Variants in ALG6 observed in about 807,000 individuals in gnomAD.
The protein encoded by ALG6 is ALG6 alpha-1,3-glucosyltransferase, also known as dolichyl pyrophosphate Man9GlcNAc2 alpha-1,3-glucosyltransferase.
ALG6 carries 46 observed loss-of-function variants against 66.6 expected under a neutral mutation model. That is an observed-to-expected ratio of 0.69 (90% CI 0.55 to 0.88). The LOEUF (loss-of-function observed/expected upper bound fraction) is 0.88, where lower values mean the gene tolerates loss of function less well. ALG6 is among the 40% of genes least tolerant of loss of function. The pLI, the probability that ALG6 is intolerant of heterozygous loss-of-function variation, is 0.00. For missense variants in ALG6, 505 were observed against 586.8 expected (o/e 0.86, Z 1.44); for synonymous variants, 185 against 203.7 (o/e 0.91, Z 0.78).
chr1:63,384,354 C>G (rs905230169), intron 2 of ALG6, among the ~76,000 whole-genome samples: 2 of 151,708 alleles, frequency 1.3e-5, no homozygotes, highest in African/African-American at 2.4e-5. Flanking sequence ...ATTTTTTTTC[C>G]TATTGAGTTG....
intron 11 of ALG6, among the ~76,000 whole-genome samples, chr1:63,418,592 G>A (rs886705109): frequency 1.3e-5 from 2 of 152,092 alleles, no homozygotes; most frequent in African/African-American, 4.8e-5. Context: ...AGCTATTGGA[G>A]GATTTTAAAC....
chr1:63,435,856 G>T (rs983619468), intron 14 of ALG6, among the ~76,000 whole-genome samples: 2 of 152,126 alleles, frequency 1.3e-5, no homozygotes, highest in Non-Finnish European at 2.9e-5. Flanking sequence ...CATTACTGCA[G>T]GAAGTTCTAT....
chr1:63,377,173 G>C (rs1648161560), intron 2 of ALG6, among the ~76,000 whole-genome samples: 1 of 152,042 alleles, frequency 6.6e-6, no homozygotes. Context: ...TGTTGGCCAG[G>C]CTGGTCTTGA....
chr1:63,369,220 G>A (rs968558739), intron 1 of ALG6, among the ~76,000 whole-genome samples: 7 of 152,208 alleles, frequency 4.6e-5, no homozygotes, highest in Non-Finnish European at 1.0e-4. Flanking sequence ...AGCTTTAGTA[G>A]GATAGTCAGG....
chr1:63,385,187 T>C (rs1187077450), intron 2 of ALG6, among the ~76,000 whole-genome samples: 3 of 15,014 alleles, frequency 2.0e-4, no homozygotes, highest in Non-Finnish European at 2.1e-4. Flanking sequence ...ACTTCTTCTT[T>C]TTTTTTTTTT....
At chr1:63,402,586 C>A (rs184774415) in intron 4 of ALG6, among the ~76,000 whole-genome samples, 337 of 150,318 alleles carry the variant, frequency 2.2e-3, no homozygotes, top group African/African-American at 7.9e-3. Flanking sequence ...CTTGCCTCAG[C>A]CTCCTGAGTA....
At chr1:63,376,455 A>G (rs546972633) in intron 2 of ALG6, among the ~76,000 whole-genome samples, 3 of 152,256 alleles carry the variant, frequency 2.0e-5, no homozygotes, top group South Asian at 4.1e-4. Context: ...TAAATTTACT[A>G]AATTGGATGC....
chr1:63,429,300 C>T (rs1644633411), intron 14 of ALG6, among the ~76,000 whole-genome samples, 174 bp downstream of exon 14: 1 of 152,120 alleles, frequency 6.6e-6, no homozygotes, highest in Admixed American at 6.5e-5. Context: ...ACAACTATCA[C>T]CATCATCTAA....
chr1:63,431,205 T>C (rs1056023818), intron 14 of ALG6, among the ~76,000 whole-genome samples: 2 of 152,238 alleles, frequency 1.3e-5, no homozygotes, highest in Non-Finnish European at 2.9e-5. Flanking sequence ...TCTATCCTTA[T>C]GCCACTGCCA....
At chr1:63,387,289 A>G (rs1015149774) in intron 2 of ALG6, among the ~76,000 whole-genome samples, 1 of 152,150 alleles carries the variant, frequency 6.6e-6, no homozygotes, top group Admixed American at 6.6e-5. Context: ...TGATAGGTCC[A>G]CTTAGTTTAC....
chr1:63,410,031 C>T (rs116381583), intron 7 of ALG6, among the ~76,000 whole-genome samples: 3,618 of 152,198 alleles, frequency 0.024, 72 homozygotes, highest in Non-Finnish European at 0.037. Flanking sequence ...TTTTCTTCTG[C>T]ACATACTACT....
intron 2 of ALG6, among the ~76,000 whole-genome samples, chr1:63,387,559 T>TTTTTTTG: frequency 7.4e-6 from 1 of 135,856 alleles, no homozygotes; most frequent in East Asian, 2.1e-4. Flanking sequence ...TTTTTTTTTT[T>TTTTTTTG]GAGACAGAGT....
intron 2 of ALG6, among the ~76,000 whole-genome samples, chr1:63,377,328 C>T (rs982706480): frequency 1.3e-5 from 2 of 152,098 alleles, no homozygotes; most frequent in Non-Finnish European, 2.9e-5. Flanking sequence ...AAGTTTGTTT[C>T]CTCTAAAATT....
chr1:63,389,391 G>A (rs1241563958), intron 2 of ALG6, among the ~76,000 whole-genome samples: 1 of 152,144 alleles, frequency 6.6e-6, no homozygotes, highest in Non-Finnish European at 1.5e-5. Flanking sequence ...TCCACAGTAT[G>A]TCAATTGAAT....
At chr1:63,436,309 A>G (rs1159345565) in intron 14 of ALG6, among the ~76,000 whole-genome samples, 1 of 152,112 alleles carries the variant, frequency 6.6e-6, no homozygotes, top group Non-Finnish European at 1.5e-5. Flanking sequence ...AGGAACATTC[A>G]ACTTATTATT....
At chr1:63,380,875 A>G (rs911817930) in intron 2 of ALG6, among the ~76,000 whole-genome samples, 2 of 152,356 alleles carry the variant, frequency 1.3e-5, no homozygotes, top group Non-Finnish European at 2.9e-5. Context: ...AATTGTCCCT[A>G]GGAAAATCAA....
intron 2 of ALG6, among the ~76,000 whole-genome samples, chr1:63,381,512 C>T (rs1276462550): frequency 6.6e-6 from 1 of 151,898 alleles, no homozygotes; most frequent in Admixed American, 6.6e-5. Context: ...GGCATGGTGG[C>T]GCATGCCTGT....
At chr1:63,382,650 TGTTTGTTTTTTTTTG>T (rs1335685611) in intron 2 of ALG6, among the ~76,000 whole-genome samples, 2 of 24,482 alleles carry the variant, frequency 8.2e-5, no homozygotes, top group African/African-American at 1.8e-4. Flanking sequence ...AGTTTTTTTT[TGTTTGTTTTTTTTTG>T]TTTTTTTTTT....
intron 12 of ALG6, among the ~76,000 whole-genome samples, chr1:63,427,177 T>G (rs1160195113): frequency 6.6e-6 from 1 of 151,164 alleles, no homozygotes; most frequent in African/African-American, 2.4e-5. Context: ...ATTTTTTTTT[T>G]TTTTTTTTTG....
Sources: allele counts gnomAD v4.1 joint callset (sites outside exome capture counted in the v4.1 genomes callset), GRCh38; gene constraint gnomAD v4.1.1; transcripts MANE v1.5; gene names NCBI Gene and HGNC (gene_info 2026-07-23, HGNC 2026-07-21).